Variants in CDC5L observed in about 807,000 individuals in gnomAD.
CDC5L encodes the protein cell division cycle 5 like, also known as cell division cycle 5-like protein.
A neutral mutation model predicts 104.1 loss-of-function variants in CDC5L; 18 were observed. That is an observed-to-expected ratio of 0.17 (90% CI 0.12 to 0.26). The LOEUF (loss-of-function observed/expected upper bound fraction) is 0.26. Ranked by LOEUF, CDC5L falls within the 10% of genes least tolerant of loss-of-function variation. CDC5L has a pLI of 1.00. For missense variants in CDC5L, 673 were observed against 956.9 expected (o/e 0.70, Z 3.91); for synonymous variants, 331 against 322.7 (o/e 1.03, Z -0.28).
Position 44,449,024 on chromosome 6 carries a change from G to T in CDC5L, c.*2313G>T, listed in dbSNP as rs910156434. The T allele has an allele frequency of 6.6e-6, 1 of 152,024 alleles. No individual in the cohort carries two copies. Among genetic ancestry groups the T allele is most frequent in the Non-Finnish European group, 1.5e-5 (1 of 67,976 alleles). 9.4% of individuals were successfully genotyped at this position (152,024 alleles called of 1,614,324 possible). A position where few individuals can be genotyped will look rare whatever the true frequency, so the allele number is the denominator to read the frequency against. ...CACATTAAATCATCTTTGCACTCCT[G>T]GAATCAGGTAGATTAATTTTTAAAA... is the stretch of plus-strand genomic sequence containing the variant. On this transcript the variant is annotated 3_prime_UTR_variant, in exon 16 of 16. Coordinates refer to ENST00000371477, the MANE Select transcript of CDC5L (RefSeq NM_001253.4).
At chr6:44,424,369 G>C (rs1792325349) in intron 10 of CDC5L, 50 bp from the exon 11 acceptor site, 1 of 1,527,264 alleles carries the variant, frequency 6.5e-7, no homozygotes, top group Non-Finnish European at 8.9e-7. Flanking sequence ...TAAAATACTG[G>C]TGGAATGTTT....
intron 8 of CDC5L, among the ~76,000 whole-genome samples, chr6:44,411,627 A>C (rs925373857): frequency 1.9e-4 from 1 of 5,382 alleles, no homozygotes; most frequent in Non-Finnish European, 4.9e-4. Flanking sequence ...AGAGAGAGAG[A>C]GAGAGAGAGA....
intron 5 of CDC5L, among the ~76,000 whole-genome samples, chr6:44,402,343 AATATT>A (rs1397429117): frequency 6.6e-6 from 1 of 152,128 alleles, no homozygotes; most frequent in Non-Finnish European, 1.5e-5. Flanking sequence ...TAATGATTTA[AATATT>A]ATATTCTTGT....
chr6:44,409,044 G>A (rs569088636), intron 8 of CDC5L, among the ~76,000 whole-genome samples: 1 of 152,258 alleles, frequency 6.6e-6, no homozygotes, highest in East Asian at 1.9e-4. Context: ...ACACAGCTTT[G>A]TGTGTTCCCA....
chr6:44,437,499 A>G (rs1792991386), intron 14 of CDC5L, among the ~76,000 whole-genome samples: 2 of 152,326 alleles, frequency 1.3e-5, no homozygotes, highest in Non-Finnish European at 2.9e-5. Flanking sequence ...TGTACAATTT[A>G]TGTCCATATT....
chr6:44,395,181 A>G (rs1373888288), intron 4 of CDC5L, among the ~76,000 whole-genome samples: 1 of 152,178 alleles, frequency 6.6e-6, no homozygotes, highest in East Asian at 1.9e-4. Context: ...ATGGAAAGAA[A>G]TAAGTTATAA....
rs145016358 is a variant in CDC5L, at chr6:44,441,932, C to CTTTTTT, written c.2092-3705_2092-3700dup. Among the ~76,000 whole-genome samples the CTTTTTT allele has an allele frequency of 3.8e-3, 357 of 92,734 alleles. 2 individuals carry two copies. The highest frequency in any genetic ancestry group is 8.5e-3 in the Middle Eastern group (1 of 118). The allele number at this position is 92,734 out of a possible 152,430, so 60.8% of individuals were successfully genotyped here. ...TCCCAGCACTTTGTAAGGTCTTGTT[C>CTTTTTT]TTTTTTTTTTTTTTTTTTTTTTTGA... is the stretch of plus-strand genomic sequence containing the variant. On this transcript the variant is annotated intron_variant, in intron 14 of 15. Coordinates refer to ENST00000371477, the MANE Select transcript of CDC5L (RefSeq NM_001253.4).
intron 14 of CDC5L, among the ~76,000 whole-genome samples, chr6:44,441,938 T>TA (rs2153384115): frequency 7.3e-6 from 1 of 136,080 alleles, no homozygotes; most frequent in East Asian, 2.1e-4. Context: ...TGTTCTTTTT[T>TA]TTTTTTTTTT....
At chr6:44,443,057 C>T (rs1296409921) in intron 14 of CDC5L, among the ~76,000 whole-genome samples, 1 of 151,618 alleles carries the variant, frequency 6.6e-6, no homozygotes, top group Non-Finnish European at 1.5e-5. Flanking sequence ...TCTTCTCTCT[C>T]CTCTCCTGCC....
rs906130560 is a variant in CDC5L at position 44,447,560 on chromosome 6, C to T, written c.*849C>T. On this transcript the variant is annotated 3_prime_UTR_variant, in exon 16 of 16. Transcript: ENST00000371477. ...ATTTAGTTACAGTATCAGTTGGCTA[C>T]AAGCTCATTATAGACTAGCAATGTT... 2.0e-5 allele frequency: 3 copies of T among 152,152 alleles called. No individual in the cohort carries two copies. The highest frequency in any genetic ancestry group is 4.8e-5 in the African/African-American group (2 of 41,434). 9.4% of individuals were successfully genotyped at this position (152,152 alleles called of 1,614,324 possible). A position where few individuals can be genotyped will look rare whatever the true frequency, so the allele number is the denominator to read the frequency against.
At chr6:44,404,131 AT>A in intron 6 of CDC5L, 104 bp downstream of exon 6, 1 of 714,706 alleles carries the variant, frequency 1.4e-6, no homozygotes, top group Non-Finnish European at 2.1e-6. Flanking sequence ...TTATTTATTT[AT>A]TTTACATTTT....
intron 14 of CDC5L, among the ~76,000 whole-genome samples, chr6:44,436,141 G>T (rs1480160129): frequency 6.6e-6 from 1 of 152,158 alleles, no homozygotes; most frequent in Non-Finnish European, 1.5e-5. Context: ...ATGAGATACT[G>T]TATGATTAGC....
chr6:44,394,394 C>T (rs888923020), intron 4 of CDC5L, among the ~76,000 whole-genome samples: 5 of 152,158 alleles, frequency 3.3e-5, no homozygotes, highest in African/African-American at 1.2e-4. Context: ...CTCAGTCCTC[C>T]TATTAATTAC....
At chr6:44,436,902 C>CGGTCTACT (rs1792965343) in intron 14 of CDC5L, among the ~76,000 whole-genome samples, 1 of 152,146 alleles carries the variant, frequency 6.6e-6, no homozygotes, top group African/African-American at 2.4e-5. Flanking sequence ...TATCAAGTGT[C>CGGTCTACT]GGTCTACTTT....
chr6:44,430,926 G>A (rs912292676), intron 14 of CDC5L, among the ~76,000 whole-genome samples: 1 of 152,278 alleles, frequency 6.6e-6, no homozygotes, highest in Non-Finnish European at 1.5e-5. Context: ...GCCAAGGTGG[G>A]ATGGGAGAGA....
At chr6:44,430,410 C>A (rs1258463983) in intron 14 of CDC5L, among the ~76,000 whole-genome samples, 3 of 148,488 alleles carry the variant, frequency 2.0e-5, no homozygotes, top group Admixed American at 6.8e-5. Context: ...TAGTGGCTTC[C>A]ATGATTTTTC....
chr6:44,424,488 AT>A lies in CDC5L; in HGVS notation c.1476del (p.Ile492MetfsTer16). 1 of 1,614,010 alleles carries A rather than the reference AT, an allele frequency of 6.2e-7. No homozygotes were observed. Among genetic ancestry groups the A allele is most frequent in the South Asian group, 1.1e-5 (1 of 91,076 alleles). Reference protein sequence around the residue: ...GLPAPKNDFEIVLPENAEKEL... With the variant: ...GLPAPKNDFEXVLPENAEKEL... ...TCCTGCCCCTAAGAATGATTTTGAA[AT>A]TGTTCTACCAGAAAATGCCGAGAAG... is the stretch of plus-strand genomic sequence containing the variant. On this transcript the variant is annotated frameshift_variant, in exon 11 of 16. Coordinates refer to ENST00000371477, the MANE Select transcript of CDC5L (RefSeq NM_001253.4). LOFTEE classifies it high-confidence loss of function.
chr6:44,393,007 C>A (rs1004468930), intron 3 of CDC5L, among the ~76,000 whole-genome samples, 179 bp downstream of exon 3: 4 of 152,106 alleles, frequency 2.6e-5, no homozygotes, highest in African/African-American at 9.7e-5. Context: ...TGCCTTCTGT[C>A]ATATACTTCC....
intron 2 of CDC5L, among the ~76,000 whole-genome samples, chr6:44,392,266 G>T (rs989263477): frequency 1.3e-5 from 2 of 152,144 alleles, no homozygotes; most frequent in East Asian, 3.8e-4. Context: ...AATGCTTAAA[G>T]AAATAAGCCA....
Sources: gnomAD v4.1 joint callset for allele counts (sites outside exome capture counted in the v4.1 genomes callset) on GRCh38, gnomAD v4.1.1 for gene constraint, MANE v1.5 for transcripts, NCBI Gene and HGNC (gene_info 2026-07-23, HGNC 2026-07-21) for gene names.